Variants in DAB1 observed in about 807,000 individuals in gnomAD.
The protein encoded by DAB1 is disabled homolog 1.
DAB1 carries 15 observed loss-of-function variants against 64.6 expected under a neutral mutation model. That is an observed-to-expected ratio of 0.23 (90% CI 0.16 to 0.36). DAB1 has a LOEUF of 0.36. DAB1 is among the 10% of genes least tolerant of loss of function. The pLI is 1.00. For missense variants in DAB1, 596 were observed against 706.7 expected, an observed-to-expected ratio of 0.84 and a Z score of 1.78; for synonymous variants, 235 against 251.9, an observed-to-expected ratio of 0.93 and a Z score of 0.64.
rs145076115 is a variant in DAB1, at chr1:57,849,364, C to T, written n.88-22909G>A. On this transcript the variant is annotated intron_variant and non_coding_transcript_variant, in intron 1 of 1. Coordinates refer to the DAB1 transcript ENST00000477280. The stretch of plus-strand genomic sequence containing the variant: ...TCTTTCAGCCTCTCCTTATTGCTCA[C>T]AGTAACTCCATATCAAGACCCTGGT... Among the ~76,000 whole-genome samples, 5 of 152,294 alleles carry T rather than the reference C, an allele frequency of 3.3e-5. No individual in the cohort carries two copies. In the East Asian group the frequency reaches 7.7e-4, roughly 24 times the overall value.
intron 2 of DAB1, among the ~76,000 whole-genome samples, chr1:57,217,096 T>C (rs1487769608): frequency 6.6e-6 from 1 of 152,186 alleles, no homozygotes; most frequent in African/African-American, 2.4e-5. Flanking sequence ...AAAACTGGCC[T>C]TCTCAGGATG....
chr1:57,119,539 A>C (rs1656447933), intron 4 of DAB1, among the ~76,000 whole-genome samples: 1 of 152,196 alleles, frequency 6.6e-6, no homozygotes, highest in Non-Finnish European at 1.5e-5. Context: ...CAAGGTAATA[A>C]AACGTATAAT....
intron 1 of DAB1, among the ~76,000 whole-genome samples, chr1:57,386,366 G>GAAAA (rs5774342): frequency 1.3e-4 from 15 of 113,438 alleles, no homozygotes; most frequent in Admixed American, 3.6e-4. Context: ...GGCCCCTTGG[G>GAAAA]AAAAAAAAAA....
intron 7 of DAB1, among the ~76,000 whole-genome samples, chr1:57,597,159 C>A (rs532031365): frequency 1.2e-4 from 19 of 152,326 alleles, no homozygotes; most frequent in African/African-American, 4.6e-4. Flanking sequence ...CTCAGCCTAA[C>A]GCCACTTATC....
At chr1:57,674,432 CA>C (rs1402277098) in intron 6 of DAB1, among the ~76,000 whole-genome samples, 1 of 152,162 alleles carries the variant, frequency 6.6e-6, no homozygotes, top group Admixed American at 6.5e-5. Flanking sequence ...GCAAGCACAT[CA>C]GTGTTTCTTG....
intron 7 of DAB1, among the ~76,000 whole-genome samples, chr1:57,496,386 C>T (rs1035053581): frequency 1.3e-5 from 2 of 152,112 alleles, no homozygotes; most frequent in African/African-American, 2.4e-5. Flanking sequence ...GTTAAATAGG[C>T]CTACATCCTG....
intron 5 of DAB1, among the ~76,000 whole-genome samples, chr1:57,903,096 A>T (rs1644500044): frequency 6.6e-6 from 1 of 152,114 alleles, no homozygotes; most frequent in Non-Finnish European, 1.5e-5. Context: ...AGACTTATTC[A>T]CTATCATGAG....
At chr1:57,197,199 C>T (rs1664693431) in intron 2 of DAB1, among the ~76,000 whole-genome samples, 1 of 152,044 alleles carries the variant, frequency 6.6e-6, no homozygotes. Context: ...CAAAAATTAG[C>T]CAGGCATGGT....
intron 1 of DAB1, among the ~76,000 whole-genome samples, chr1:57,405,622 C>A (rs1275868417): frequency 3.3e-5 from 5 of 152,172 alleles, no homozygotes; most frequent in Admixed American, 1.3e-4. Flanking sequence ...CTTGAAAAAG[C>A]CAAAGACCTA....
At chr1:58,443,546 G>A (rs925683733) in intron 3 of DAB1, among the ~76,000 whole-genome samples, 2 of 152,190 alleles carry the variant, frequency 1.3e-5, no homozygotes, top group Admixed American at 6.5e-5. Context: ...CTGGATTTTA[G>A]TTAATAGTAA....
intron 1 of DAB1, among the ~76,000 whole-genome samples, chr1:57,323,293 G>A (rs1675873323): frequency 6.6e-6 from 1 of 152,154 alleles, no homozygotes; most frequent in Non-Finnish European, 1.5e-5. Context: ...CCAGAAGAGG[G>A]CACCTTAATC....
intron 5 of DAB1, among the ~76,000 whole-genome samples, chr1:57,984,263 A>G (rs1646155969): frequency 1.4e-5 from 2 of 147,110 alleles, no homozygotes; most frequent in South Asian, 4.3e-4. Context: ...AAAGAAAGAA[A>G]AAAAATTAAA....
chr1:57,012,131 G>T (rs1440973340), intron 12 of DAB1, among the ~76,000 whole-genome samples: 7 of 152,166 alleles, frequency 4.6e-5, no homozygotes, highest in Admixed American at 3.9e-4. Context: ...TACTGGCTAA[G>T]ACCCAAGTGA....
At chr1:58,039,308 C>G (rs1428682302) in intron 5 of DAB1, among the ~76,000 whole-genome samples, 1 of 152,182 alleles carries the variant, frequency 6.6e-6, no homozygotes, top group Non-Finnish European at 1.5e-5. Context: ...CTCTATTCCC[C>G]AGAGCCTGCT....
rs530411232 is a variant in DAB1 at position 57,879,878 on chromosome 1, G to A, written n.87+4121C>T. Among the ~76,000 whole-genome samples, 7 of 152,218 alleles carry A rather than the reference G, an allele frequency of 4.6e-5. 1 individual carries two copies. The South Asian group carries it at 1.2e-3, about 27-fold the overall frequency. ...GCTTCCCCATCACAAAAGCCCAAAC[G>A]CAGGGAACAGCCCTTCTGAACAGAG... On this transcript the variant is annotated intron_variant and non_coding_transcript_variant, in intron 1 of 1. Coordinates refer to the DAB1 transcript ENST00000477280.
At chr1:58,031,218 C>CGGAGACAGAAGGGAAGCAG (rs1646965162) in intron 5 of DAB1, among the ~76,000 whole-genome samples, 1 of 152,004 alleles carries the variant, frequency 6.6e-6, no homozygotes, top group Non-Finnish European at 1.5e-5. Context: ...GGCCAGAGCA[C>CGGAGACAGAAGGGAAGCAG]GGAGACAGAA....
At chr1:57,011,341 C>A (rs1303442176) in intron 12 of DAB1, 69 bp from the exon 13 acceptor site, 3 of 1,563,824 alleles carry the variant, frequency 1.9e-6, no homozygotes, top group Non-Finnish European at 2.6e-6. Context: ...CCAAAGAAAC[C>A]TCAGGAATCT....
At chr1:57,892,041 A>G (rs1011342588) in intron 5 of DAB1, among the ~76,000 whole-genome samples, 2 of 152,102 alleles carry the variant, frequency 1.3e-5, no homozygotes, top group Non-Finnish European at 2.9e-5. Context: ...TGCATTCTCA[A>G]TCCTTAGCGT....
intron 4 of DAB1, among the ~76,000 whole-genome samples, chr1:57,099,204 T>A (rs1204751615): frequency 2.0e-5 from 3 of 152,216 alleles, no homozygotes; most frequent in South Asian, 2.1e-4. Context: ...AACACAATCC[T>A]TGTGCTTATG....
Sources: allele counts gnomAD v4.1 joint callset (sites outside exome capture counted in the v4.1 genomes callset), GRCh38; gene constraint gnomAD v4.1.1; transcripts MANE v1.5; gene names NCBI Gene and HGNC (gene_info 2026-07-23, HGNC 2026-07-21).